Variants in PCNX1 observed in about 807,000 individuals in gnomAD.
PCNX1 encodes pecanex-like protein 1.
Under a neutral mutation model 242.2 loss-of-function variants are expected in PCNX1, and 78 were observed. That is an observed-to-expected ratio of 0.32 (90% CI 0.27 to 0.39). The LOEUF (loss-of-function observed/expected upper bound fraction) is 0.39. PCNX1 is among the 10% of genes least tolerant of loss of function. The pLI, the probability that PCNX1 is intolerant of heterozygous loss-of-function variation, is 1.00. For synonymous variants in PCNX1, 1,024 were observed against 1,032.9 expected (o/e 0.99, Z 0.17); for missense variants, 2,581 against 2,856.5 (o/e 0.90, Z 2.20).
chr14:70,908,098 C>G (rs994211980), intron 1 of PCNX1, 95 bp downstream of exon 1: 13 of 1,196,868 alleles, frequency 1.1e-5, no homozygotes, highest in Middle Eastern at 3.0e-4. Context: ...GGGGTCTCGT[C>G]CCCCGGGGGC....
At chr14:71,099,622 T>C (rs1429480459) in intron 30 of PCNX1, among the ~76,000 whole-genome samples, 2 of 152,190 alleles carry the variant, frequency 1.3e-5, no homozygotes, top group Non-Finnish European at 2.9e-5. Flanking sequence ...CAAACTTAAG[T>C]CCAGAGTTTC....
At chr14:71,069,925 G>C (rs768299035) in intron 26 of PCNX1, among the ~76,000 whole-genome samples, 1 of 152,156 alleles carries the variant, frequency 6.6e-6, no homozygotes, top group Admixed American at 6.6e-5. Flanking sequence ...TGTAGCATGC[G>C]ATGCTGTTTA....
At chr14:71,030,205 C>T (rs1396073767) in intron 16 of PCNX1, among the ~76,000 whole-genome samples, 2 of 152,310 alleles carry the variant, frequency 1.3e-5, no homozygotes, top group Admixed American at 6.5e-5. Flanking sequence ...CTCAGACTTA[C>T]TATTTTTAAC....
chr14:70,917,914 ACTT>A (rs2056215007), intron 1 of PCNX1, among the ~76,000 whole-genome samples: 1 of 152,244 alleles, frequency 6.6e-6, no homozygotes, highest in African/African-American at 2.4e-5. Flanking sequence ...CTTCTGGATA[ACTT>A]GCTGCAGCTT....
intron 1 of PCNX1, among the ~76,000 whole-genome samples, chr14:70,910,828 GAA>G (rs2055869489): frequency 6.6e-6 from 1 of 152,212 alleles, no homozygotes; most frequent in African/African-American, 2.4e-5. Flanking sequence ...GAATGATTGA[GAA>G]GTGCACAAGA....
At chr14:70,972,476 A>G (rs554950491) in intron 5 of PCNX1, among the ~76,000 whole-genome samples, 1 of 152,290 alleles carries the variant, frequency 6.6e-6, no homozygotes, top group East Asian at 1.9e-4. Flanking sequence ...ATGAAGTATC[A>G]GGGCAAGCAT....
intron 2 of PCNX1, among the ~76,000 whole-genome samples, chr14:70,961,407 C>A (rs1404428339): frequency 2.0e-5 from 3 of 152,160 alleles, no homozygotes. Context: ...GAAAAACAAG[C>A]AATGGGGAAA....
intron 1 of PCNX1, among the ~76,000 whole-genome samples, chr14:70,936,692 T>C (rs1229524571): frequency 2.0e-5 from 3 of 152,220 alleles, no homozygotes; most frequent in East Asian, 1.9e-4. Flanking sequence ...TTCTAGATCC[T>C]TGAGGAATTG....
Position 70,916,805 on chromosome 14 carries a change from A to G in PCNX1, c.153+8802A>G, listed in dbSNP as rs374906513. 1.2e-4 allele frequency among the ~76,000 whole-genome samples: 19 copies of G among 152,316 alleles called. No homozygotes were observed. In the East Asian group the frequency reaches 1.9e-3, roughly 15 times the overall value. On this transcript the variant is annotated intron_variant, in intron 1 of 35. Coordinates refer to ENST00000304743, the MANE Select transcript of PCNX1 (RefSeq NM_014982.3). ...GACAACAATGAAGTTTGCAGCATCAATTGACTCTTCTTTTCATGAAAGATT... is the reference window on the plus strand; with the variant it reads ...GACAACAATGAAGTTTGCAGCATCAGTTGACTCTTCTTTTCATGAAAGATT...
intron 8 of PCNX1, among the ~76,000 whole-genome samples, chr14:71,005,125 A>G (rs1595208736): frequency 6.6e-6 from 1 of 152,204 alleles, no homozygotes; most frequent in Admixed American, 6.5e-5. Flanking sequence ...GGAAGATTAG[A>G]AAAACACTAT....
intron 6 of PCNX1, among the ~76,000 whole-genome samples, chr14:70,980,038 A>C (rs2058792960): frequency 6.6e-6 from 1 of 151,600 alleles, no homozygotes; most frequent in South Asian, 2.1e-4. Flanking sequence ...ATATGTTCAC[A>C]GTATGCAAGA....
At chr14:70,912,751 A>T (rs183436550) in intron 1 of PCNX1, among the ~76,000 whole-genome samples, 1 of 152,292 alleles carries the variant, frequency 6.6e-6, no homozygotes, top group Admixed American at 6.5e-5. Flanking sequence ...ATCTTTATTA[A>T]GCCACCAGAG....
Position 71,033,976 on chromosome 14 carries a change from T to C in PCNX1, c.3714T>C (p.Asn1238=). The stretch of plus-strand genomic sequence containing the variant: ...TTTTTCCAAAAACGGAAGAGAAAAA[T>C]CCAGAAGACCCTCTATCTGAAGTAA... ...SKIFPKTEEK[N]PEDPLSEVKD... is the part of the protein sequence containing the mutation. Residue 1238 remains asparagine (N), a synonymous_variant, in exon 18 of 36, where the codon AAT becomes AAC. Coordinates refer to ENST00000304743, the MANE Select transcript of PCNX1 (RefSeq NM_014982.3). The C allele has an allele frequency of 6.2e-7, 1 of 1,608,866 alleles. No homozygotes were observed. The highest frequency in any genetic ancestry group is 8.5e-7 in the Non-Finnish European group (1 of 1,177,450).
intron 24 of PCNX1, among the ~76,000 whole-genome samples, chr14:71,053,933 T>C (rs1274420357): frequency 1.3e-5 from 2 of 152,024 alleles, no homozygotes; most frequent in East Asian, 3.9e-4. Flanking sequence ...TCAGGTGCAG[T>C]ATATTGTTTT....
intron 2 of PCNX1, among the ~76,000 whole-genome samples, chr14:70,960,924 A>G (rs2058187733): frequency 6.6e-6 from 1 of 152,194 alleles, no homozygotes; most frequent in African/African-American, 2.4e-5. Flanking sequence ...AATTGCTTCA[A>G]AGAGAATAAA....
Position 71,112,128 on chromosome 14 carries a change from C to T in PCNX1, c.*2193C>T, listed in dbSNP as rs932598352. 1 of 152,260 alleles carries T rather than the reference C, an allele frequency of 6.6e-6. No individual in the cohort carries two copies. The highest frequency in any genetic ancestry group is 1.5e-5 in the Non-Finnish European group (1 of 67,908). The allele number at this position is 152,260 out of a possible 1,614,324, so 9.4% of individuals were successfully genotyped here. A position where few individuals can be genotyped will look rare whatever the true frequency, so the allele number is the denominator to read the frequency against. On this transcript the variant is annotated 3_prime_UTR_variant, in exon 36 of 36. Transcript: ENST00000304743. Reference sequence around the variant, plus strand: ...GGTCATTGCCTAGATAAAAGTAGAGCCTTTTCAATCTTAGATGGAAGATAA... The same window carrying T: ...GGTCATTGCCTAGATAAAAGTAGAGTCTTTTCAATCTTAGATGGAAGATAA...
chr14:71,031,663 A>AGTAGGTCCTGCTCACGTCT, intron 16 of PCNX1: 1 of 703,128 alleles, frequency 1.4e-6, no homozygotes. Flanking sequence ...TCTCACCGTC[A>AGTAGGTCCTGCTCACGTCT]GTAGGTCCTG....
chr14:70,989,459 C>T (rs894769265), intron 7 of PCNX1, among the ~76,000 whole-genome samples: 1 of 151,570 alleles, frequency 6.6e-6, no homozygotes, highest in Non-Finnish European at 1.5e-5. Flanking sequence ...AATCTATGCC[C>T]TGAATTAGAA....
At chr14:71,067,836 T>A in intron 26 of PCNX1, among the ~76,000 whole-genome samples, 1 of 152,270 alleles carries the variant, frequency 6.6e-6, no homozygotes, top group East Asian at 1.9e-4. Flanking sequence ...AAAGCACTTA[T>A]ATATTTCTGC....
Sources: allele counts gnomAD v4.1 joint callset (sites outside exome capture counted in the v4.1 genomes callset), GRCh38; gene constraint gnomAD v4.1.1; transcripts MANE v1.5; gene names NCBI Gene and HGNC (gene_info 2026-07-23, HGNC 2026-07-21).